CNTN3: variants seen among roughly 807,000 people sequenced by gnomAD.
CNTN3 encodes the protein contactin-3.
Under a neutral mutation model 119.1 loss-of-function variants are expected in CNTN3, and 60 were observed. That is an observed-to-expected ratio of 0.50 (90% CI 0.41 to 0.62). The LOEUF (loss-of-function observed/expected upper bound fraction) is 0.62, where lower values mean the gene tolerates loss of function less well. CNTN3 is among the 20% of genes least tolerant of loss of function. The pLI is 0.00. For synonymous variants in CNTN3, 450 were observed against 438.7 expected, an observed-to-expected ratio of 1.03 and a Z score of -0.32; for missense variants, 1,101 against 1,242.4, an observed-to-expected ratio of 0.89 and a Z score of 1.71.
intron 13 of CNTN3, among the ~76,000 whole-genome samples, chr3:74,320,289 C>T (rs1702954870): frequency 6.6e-6 from 1 of 152,260 alleles, no homozygotes; most frequent in African/African-American, 2.4e-5. Context: ...CAACGATAGA[C>T]TGGATTAAGA....
intron 11 of CNTN3, among the ~76,000 whole-genome samples, chr3:74,337,790 T>C (rs1374635591): frequency 6.6e-6 from 1 of 151,938 alleles, no homozygotes; most frequent in Non-Finnish European, 1.5e-5. Context: ...TAAGTAAAAG[T>C]AAGAAGTTCT....
intron 3 of CNTN3, among the ~76,000 whole-genome samples, chr3:74,489,823 A>G (rs1702929621): frequency 6.6e-6 from 1 of 152,174 alleles, no homozygotes; most frequent in Non-Finnish European, 1.5e-5. Flanking sequence ...AATGCCATCT[A>G]TCCCATAGGA....
intron 13 of CNTN3, among the ~76,000 whole-genome samples, chr3:74,321,229 C>T (rs1162332225): frequency 6.6e-6 from 1 of 152,042 alleles, no homozygotes; most frequent in African/African-American, 2.4e-5. Flanking sequence ...TGGCATCATG[C>T]AATATACCTT....
chr3:74,546,719 G>A (rs568253515), intron 1 of CNTN3, among the ~76,000 whole-genome samples: 1 of 152,230 alleles, frequency 6.6e-6, no homozygotes, highest in South Asian at 2.1e-4. Flanking sequence ...GAGGTTTTGG[G>A]ACTTGGACTG....
intron 11 of CNTN3, among the ~76,000 whole-genome samples, chr3:74,354,546 G>T (rs1703889426): frequency 6.6e-6 from 1 of 151,990 alleles, no homozygotes; most frequent in Admixed American, 6.5e-5. Flanking sequence ...GTGGATTTAA[G>T]TGAATGAATG....
At chr3:74,446,876 G>T (rs1702058696) in intron 4 of CNTN3, among the ~76,000 whole-genome samples, 2 of 151,954 alleles carry the variant, frequency 1.3e-5, no homozygotes, top group Non-Finnish European at 2.9e-5. Flanking sequence ...TGACAGATTT[G>T]CATTCTAGGT....
At chr3:74,314,147 A>G (rs184467541) in intron 13 of CNTN3, among the ~76,000 whole-genome samples, 1 of 152,340 alleles carries the variant, frequency 6.6e-6, no homozygotes, top group East Asian at 1.9e-4. Flanking sequence ...AGACACAAAT[A>G]TTTAGACATA....
At chr3:74,345,112 C>A (rs1021440865) in intron 11 of CNTN3, among the ~76,000 whole-genome samples, 3 of 152,158 alleles carry the variant, frequency 2.0e-5, no homozygotes, top group Admixed American at 6.5e-5. Flanking sequence ...GGGTTCCTTA[C>A]AAATTATCTT....
chr3:74,606,017 C>T (rs906845852), intron 1 of CNTN3, among the ~76,000 whole-genome samples: 2 of 152,074 alleles, frequency 1.3e-5, no homozygotes, highest in African/African-American at 4.8e-5. Context: ...TTTACATCCC[C>T]TATTCCCATC....
intron 20 of CNTN3, among the ~76,000 whole-genome samples, chr3:74,269,505 T>G (rs1319995336): frequency 6.6e-6 from 1 of 152,116 alleles, no homozygotes; most frequent in Non-Finnish European, 1.5e-5. Context: ...TTAATATAAT[T>G]TACTTAATCC....
chr3:74,319,016 G>A (rs937439664), intron 13 of CNTN3, among the ~76,000 whole-genome samples: 1 of 152,138 alleles, frequency 6.6e-6, no homozygotes, highest in East Asian at 1.9e-4. Context: ...AAATAAAAGA[G>A]AATACAAACA....
intron 1 of CNTN3, among the ~76,000 whole-genome samples, chr3:74,567,074 GCA>G (rs200712732): frequency 0.02 from 2,972 of 152,146 alleles, 51 homozygotes; most frequent in Admixed American, 0.054. Flanking sequence ...GACAGCACAA[GCA>G]CAGTCTGTAC....
intron 11 of CNTN3, among the ~76,000 whole-genome samples, chr3:74,342,349 T>A (rs1703569692): frequency 6.6e-6 from 1 of 152,166 alleles, no homozygotes; most frequent in Non-Finnish European, 1.5e-5. Context: ...TTCTTCTACC[T>A]ATCCTATTTT....
At chr3:74,498,563 C>A (rs1703105309) in intron 3 of CNTN3, among the ~76,000 whole-genome samples, 1 of 151,728 alleles carries the variant, frequency 6.6e-6, no homozygotes, top group African/African-American at 2.4e-5. Context: ...AGAGACTGAT[C>A]TTGATTACTT....
chr3:74,269,138 G>A (rs769160323), intron 20 of CNTN3, among the ~76,000 whole-genome samples: 4 of 151,262 alleles, frequency 2.6e-5, no homozygotes, highest in East Asian at 1.9e-4. Flanking sequence ...TTTTCTAAAC[G>A]TCAGTCATGT....
At chr3:74,337,703 T>C (rs1247522335) in intron 11 of CNTN3, among the ~76,000 whole-genome samples, 1 of 151,994 alleles carries the variant, frequency 6.6e-6, no homozygotes, top group East Asian at 1.9e-4. Flanking sequence ...TCCCACAACA[T>C]GTGGGAATTA....
At position 74,264,091 on chromosome 3, in the gene CNTN3, G is replaced by A. The variant is rs537504817; in HGVS notation, c.*310C>T. 1.0e-5 allele frequency: 2 copies of A among 194,920 alleles called. No homozygotes were observed. Among genetic ancestry groups the A allele is most frequent in the African/African-American group, 2.3e-5 (1 of 43,340 alleles). 12.1% of individuals were successfully genotyped at this position (194,920 alleles called of 1,614,324 possible). On this transcript the variant is annotated 3_prime_UTR_variant, in exon 23 of 23. Coordinates refer to ENST00000263665, the MANE Select transcript of CNTN3 (RefSeq NM_020872.3). ...TGTAAAAAGAAATTCTCATGCGTGTGTGTGTACATGTGAGAGTGTGTGAGT... is the reference window on the plus strand; with the variant it reads ...TGTAAAAAGAAATTCTCATGCGTGTATGTGTACATGTGAGAGTGTGTGAGT...
intron 1 of CNTN3, among the ~76,000 whole-genome samples, chr3:74,614,128 C>T (rs1174692832): frequency 6.6e-6 from 1 of 152,214 alleles, no homozygotes; most frequent in Admixed American, 6.5e-5. Flanking sequence ...GCCCAAGGGA[C>T]CTACCACTCA....
chr3:74,446,193 T>A (rs1441973289), intron 4 of CNTN3, among the ~76,000 whole-genome samples: 1 of 152,156 alleles, frequency 6.6e-6, no homozygotes, highest in Non-Finnish European at 1.5e-5. Flanking sequence ...TCCTCATATG[T>A]AAGATGGTAG....
Sources: allele counts gnomAD v4.1 joint callset (sites outside exome capture counted in the v4.1 genomes callset), GRCh38; gene constraint gnomAD v4.1.1; transcripts MANE v1.5; gene names NCBI Gene and HGNC (gene_info 2026-07-23, HGNC 2026-07-21).